Variants in GRAP2 observed in about 807,000 individuals in gnomAD.
GRAP2 encodes GRB2-related adapter protein 2.
GRAP2 carries 31 observed loss-of-function variants against 43.5 expected under a neutral mutation model. That is an observed-to-expected ratio of 0.71 (90% CI 0.54 to 0.96). The LOEUF is 0.96. Ranked by LOEUF, GRAP2 falls within the 40% of genes least tolerant of loss-of-function variation. The pLI is 0.00. For missense variants in GRAP2, 371 were observed against 424.4 expected (o/e 0.87, Z 1.11); for synonymous variants, 156 against 164.8 (o/e 0.95, Z 0.41).
chr22:39,962,582 A>G (rs2067130743), intron 4 of GRAP2, among the ~76,000 whole-genome samples: 1 of 152,124 alleles, frequency 6.6e-6, no homozygotes, highest in Non-Finnish European at 1.5e-5. Context: ...AATTTGTTAG[A>G]CTGAGGGGTA....
intron 3 of GRAP2, among the ~76,000 whole-genome samples, chr22:39,956,419 A>G (rs2067051775): frequency 6.6e-6 from 1 of 151,990 alleles, no homozygotes; most frequent in South Asian, 2.1e-4. Flanking sequence ...AGCCTCCCAA[A>G]GTGCTGGGAT....
At chr22:39,919,341 C>G (rs922488471) in intron 1 of GRAP2, among the ~76,000 whole-genome samples, 1 of 152,068 alleles carries the variant, frequency 6.6e-6, no homozygotes, top group Non-Finnish European at 1.5e-5. Flanking sequence ...AAATACAGGT[C>G]AGAGATTTGA....
chr22:39,950,313 A>T (rs927676333), intron 2 of GRAP2, among the ~76,000 whole-genome samples: 1 of 152,202 alleles, frequency 6.6e-6, no homozygotes, highest in Non-Finnish European at 1.5e-5. Context: ...TTTGCCTCAC[A>T]TGGCAGCTAT....
intron 1 of GRAP2, among the ~76,000 whole-genome samples, chr22:39,903,475 C>CT (rs773691306): frequency 0.31 from 34,530 of 112,024 alleles, 6,604 homozygotes; most frequent in East Asian, 0.62. Context: ...CCTCATGAGT[C>CT]TTTTTTTTTT....
At chr22:39,948,542 T>C (rs979047857) in intron 2 of GRAP2, 1 of 152,042 alleles carries the variant, frequency 6.6e-6, no homozygotes, top group African/African-American at 2.4e-5. Context: ...AAAAAAAACT[T>C]TGCTCAACTC....
chr22:39,934,781 G>A (rs1186366671), intron 1 of GRAP2, among the ~76,000 whole-genome samples: 3 of 152,078 alleles, frequency 2.0e-5, no homozygotes, highest in Non-Finnish European at 2.9e-5. Flanking sequence ...TGAGGCAGGA[G>A]GATGCCTAAA....
At chr22:39,953,561 T>C (rs1167329496) in intron 2 of GRAP2, among the ~76,000 whole-genome samples, 1 of 152,200 alleles carries the variant, frequency 6.6e-6, no homozygotes, top group Non-Finnish European at 1.5e-5. Flanking sequence ...ACTTTAGCCT[T>C]GCAATCTATC....
chr22:39,950,790 G>A (rs2066974032), intron 2 of GRAP2, among the ~76,000 whole-genome samples: 1 of 152,260 alleles, frequency 6.6e-6, no homozygotes, highest in Non-Finnish European at 1.5e-5. Context: ...CCCACAGAAT[G>A]TCTACAGGAT....
At chr22:39,961,107 G>A (rs565431897) in intron 4 of GRAP2, among the ~76,000 whole-genome samples, 1 of 152,092 alleles carries the variant, frequency 6.6e-6, no homozygotes, top group African/African-American at 2.4e-5. Context: ...CACCACACCT[G>A]GCTAATATTT....
At chr22:39,968,867 C>A (rs989174768) in intron 6 of GRAP2, among the ~76,000 whole-genome samples, 3 of 152,220 alleles carry the variant, frequency 2.0e-5, no homozygotes, top group African/African-American at 7.2e-5. Flanking sequence ...AGCAACCCCC[C>A]ACGCTGCCTT....
At chr22:39,960,905 A>C (rs2067112653) in intron 4 of GRAP2, 1 of 151,482 alleles carries the variant, frequency 6.6e-6, no homozygotes. Flanking sequence ...GTTTGATCTA[A>C]GGTAACAGAC....
chr22:39,965,906 C>A, intron 4 of GRAP2, 84 bp from the exon 5 acceptor site: 2 of 1,133,134 alleles, frequency 1.8e-6, no homozygotes, highest in Non-Finnish European at 2.7e-6. Flanking sequence ...TCAAAGAGAA[C>A]TCCACCATCC....
intron 1 of GRAP2, among the ~76,000 whole-genome samples, chr22:39,920,521 G>A (rs777078870): frequency 1.3e-4 from 20 of 152,224 alleles, no homozygotes; most frequent in African/African-American, 4.3e-4. Flanking sequence ...CTCAGTGTTC[G>A]AGCCCCCTCT....
intron 2 of GRAP2, among the ~76,000 whole-genome samples, chr22:39,949,910 A>G (rs539651898): frequency 3.9e-5 from 6 of 152,182 alleles, no homozygotes; most frequent in African/African-American, 1.4e-4. Flanking sequence ...TCCCAGAGGG[A>G]TCTTTCCAGA....
At chr22:39,963,110 T>G (rs2067136334) in intron 4 of GRAP2, among the ~76,000 whole-genome samples, 1 of 152,256 alleles carries the variant, frequency 6.6e-6, no homozygotes, top group African/African-American at 2.4e-5. Flanking sequence ...TATCACGTCT[T>G]TGCAGAAATG....
intron 1 of GRAP2, chr22:39,926,582 G>T (rs921635386): frequency 1.1e-5 from 11 of 984,642 alleles, no homozygotes; most frequent in Non-Finnish European, 1.3e-5. Flanking sequence ...GCTCTAGCTG[G>T]GGGTGGGGAA....
chr22:39,911,028 A>G (rs1261041039), intron 1 of GRAP2, among the ~76,000 whole-genome samples: 1 of 152,162 alleles, frequency 6.6e-6, no homozygotes, highest in Non-Finnish European at 1.5e-5. Flanking sequence ...CCTAAGTAAG[A>G]TAGGAATAAG....
intron 1 of GRAP2, among the ~76,000 whole-genome samples, chr22:39,941,803 G>A (rs963868105): frequency 4.0e-5 from 6 of 151,846 alleles, no homozygotes; most frequent in Non-Finnish European, 8.8e-5. Context: ...GCACAGAAAA[G>A]GTCTGACAAT....
chr22:39,909,741 A>G (rs1304574897), intron 1 of GRAP2, among the ~76,000 whole-genome samples: 1 of 152,240 alleles, frequency 6.6e-6, no homozygotes, highest in Non-Finnish European at 1.5e-5. Context: ...TGAGGAGATT[A>G]AAAAACAGCT....
Sources: gnomAD v4.1 joint callset for allele counts (sites outside exome capture counted in the v4.1 genomes callset) on GRCh38, gnomAD v4.1.1 for gene constraint, MANE v1.5 for transcripts, NCBI Gene and HGNC (gene_info 2026-07-23, HGNC 2026-07-21) for gene names.